The following DOCK8 variants were observed in gnomAD, a reference collection of about 807,000 sequenced individuals.
The protein encoded by DOCK8 is dedicator of cytokinesis 8.
Under a neutral mutation model 245.6 loss-of-function variants are expected in DOCK8, and 141 were observed. The observed-to-expected ratio is 0.57, with a 90% CI of 0.50 to 0.66. The LOEUF is 0.66. Ranked by LOEUF, DOCK8 falls within the 30% of genes least tolerant of loss-of-function variation. The pLI, the probability that DOCK8 is intolerant of heterozygous loss-of-function variation, is 0.00. For synonymous variants in DOCK8, 1,168 were observed against 970.2 expected (o/e 1.20, Z -3.79); for missense variants, 2,965 against 2,603.4 (o/e 1.14, Z -3.02).
chr9:406,353 G>A (rs2055415022), intron 27 of DOCK8, among the ~76,000 whole-genome samples: 2 of 152,196 alleles, frequency 1.3e-5, no homozygotes, highest in Admixed American at 6.5e-5. Context: ...ATCAGGTGTG[G>A]TAGTGTGACT....
At chr9:419,556 C>G (rs1012285598) in intron 30 of DOCK8, among the ~76,000 whole-genome samples, 2 of 152,186 alleles carry the variant, frequency 1.3e-5, no homozygotes, top group African/African-American at 4.8e-5. Flanking sequence ...CTCAGAATAA[C>G]TAAAGTTAAA....
chr9:351,583 C>A (rs565754430), intron 14 of DOCK8, among the ~76,000 whole-genome samples: 1 of 152,342 alleles, frequency 6.6e-6, no homozygotes, highest in African/African-American at 2.4e-5. Context: ...CTCCATTTGA[C>A]AAGTTATCTT....
At chr9:219,636 C>G (rs1049912934) in intron 1 of DOCK8, among the ~76,000 whole-genome samples, 1 of 152,122 alleles carries the variant, frequency 6.6e-6, no homozygotes, top group Non-Finnish European at 1.5e-5. Flanking sequence ...GTGGCTCACA[C>G]CTGTAACCCT....
At chr9:413,572 A>G (rs187540764) in intron 28 of DOCK8, among the ~76,000 whole-genome samples, 59 of 152,346 alleles carry the variant, frequency 3.9e-4, no homozygotes, top group African/African-American at 1.3e-3. Context: ...TAAAAAGACA[A>G]ATAACTCAGT....
chr9:372,173 C>A lies in DOCK8; in HGVS notation c.2008-12C>A. On this transcript the variant is annotated splice_polypyrimidine_tract_variant and intron_variant, in intron 17 of 47. Coordinates refer to ENST00000432829, the MANE Select transcript of DOCK8 (RefSeq NM_203447.4). ...ATAAATACCACTTTATTATTTACAT[C>A]ATCTGTTTCAGTGGCTGCCAATTCT... The A allele has an allele frequency of 6.2e-7, 1 of 1,605,878 alleles. No homozygotes were observed. Among genetic ancestry groups the A allele is most frequent in the Non-Finnish European group, 8.5e-7 (1 of 1,172,758 alleles).
At chr9:308,533 TATATG>T (rs2049950271) in intron 5 of DOCK8, among the ~76,000 whole-genome samples, 3 of 152,332 alleles carry the variant, frequency 2.0e-5, no homozygotes, top group Middle Eastern at 6.8e-3. Context: ...TTTAAACAAG[TATATG>T]ATAAGATTCC....
intron 23 of DOCK8, 131 bp downstream of exon 23, chr9:386,557 C>CCA: frequency 1.3e-6 from 1 of 760,138 alleles, no homozygotes; most frequent in Non-Finnish European, 2.2e-6. Flanking sequence ...CACACACACC[C>CCA]CACACACACT....
intron 43 of DOCK8, 101 bp from the exon 44 acceptor site, chr9:446,269 G>A: frequency 2.1e-6 from 2 of 973,556 alleles, no homozygotes; most frequent in South Asian, 2.6e-5. Context: ...ACTGGGCAGG[G>A]CGGTGCCGGC....
chr9:450,685 G>T (rs2057399443), intron 45 of DOCK8, among the ~76,000 whole-genome samples: 2 of 151,758 alleles, frequency 1.3e-5, no homozygotes, highest in Non-Finnish European at 2.9e-5. Context: ...CAAGGGAGCA[G>T]AAACAGAGAA....
chr9:443,606 T>A, intron 43 of DOCK8, 90 bp downstream of exon 43: 1 of 1,049,394 alleles, frequency 9.5e-7, no homozygotes, highest in Non-Finnish European at 1.5e-6. Flanking sequence ...CTATCTGGAC[T>A]CTCCAAGTCA....
At chr9:409,677 A>AC (rs1315749552) in intron 28 of DOCK8, among the ~76,000 whole-genome samples, 1 of 151,936 alleles carries the variant, frequency 6.6e-6, no homozygotes, top group Non-Finnish European at 1.5e-5. Flanking sequence ...GGTGTGCTGC[A>AC]CCCATTAACT....
At chr9:310,147 A>G (rs1348458367) in intron 5 of DOCK8, among the ~76,000 whole-genome samples, 1 of 152,046 alleles carries the variant, frequency 6.6e-6, no homozygotes, top group Non-Finnish European at 1.5e-5. Context: ...CGTGCCTGTA[A>G]TCCCAGCTAC....
chr9:280,826 C>A (rs2048547788), intron 2 of DOCK8: 1 of 152,252 alleles, frequency 6.6e-6, no homozygotes, highest in South Asian at 2.1e-4. Context: ...CTCACCCTGT[C>A]TGAAAACATA....
chr9:416,887 A>T (rs1440678684), intron 29 of DOCK8, among the ~76,000 whole-genome samples: 2 of 152,266 alleles, frequency 1.3e-5, no homozygotes, highest in Non-Finnish European at 2.9e-5. Context: ...AAGGGGAAAT[A>T]AGAATGTGTC....
intron 5 of DOCK8, among the ~76,000 whole-genome samples, chr9:307,338 GTTTTTTTTTTTTTTTTTTTTTTTT>G (rs1165775428): frequency 2.0e-5 from 1 of 51,218 alleles, no homozygotes; most frequent in Admixed American, 2.7e-4. Context: ...GGTTTTTTTT[GTTTTTTTTTTTTTTTTTTTTTTTT>G]TTTTTTTTTT....
intron 25 of DOCK8, among the ~76,000 whole-genome samples, chr9:397,961 A>G (rs1296262539): frequency 6.6e-6 from 1 of 152,246 alleles, no homozygotes; most frequent in Non-Finnish European, 1.5e-5. Flanking sequence ...CATATATAAA[A>G]TGGAATAAAT....
intron 2 of DOCK8, among the ~76,000 whole-genome samples, chr9:274,462 A>ATTC (rs2048266382): frequency 8.8e-6 from 1 of 114,058 alleles, no homozygotes; most frequent in East Asian, 2.9e-4. Flanking sequence ...AGAGGATTGA[A>ATTC]TTCTTTTTTT....
intron 10 of DOCK8, among the ~76,000 whole-genome samples, chr9:333,463 T>C (rs10970938): frequency 0.027 from 4,115 of 152,160 alleles, 89 homozygotes; most frequent in Non-Finnish European, 0.041. Context: ...TAGCCGGGCA[T>C]GGTGGCACGT....
intron 14 of DOCK8, among the ~76,000 whole-genome samples, chr9:343,982 G>A (rs1050543770): frequency 1.6e-4 from 24 of 152,292 alleles, no homozygotes; most frequent in African/African-American, 5.3e-4. Flanking sequence ...TGCACTGAAT[G>A]ATCCAGAAAT....
Sources: allele counts gnomAD v4.1 joint callset (sites outside exome capture counted in the v4.1 genomes callset), GRCh38; gene constraint gnomAD v4.1.1; transcripts MANE v1.5; gene names NCBI Gene and HGNC (gene_info 2026-07-23, HGNC 2026-07-21).